Variants in DGKB observed in about 807,000 individuals in gnomAD.
The protein encoded by DGKB is 90 kDa diacylglycerol kinase.
A neutral mutation model predicts 114.3 loss-of-function variants in DGKB; 67 were observed. The observed-to-expected ratio is 0.59, with a 90% CI of 0.48 to 0.72. The LOEUF is 0.72. DGKB is among the 30% of genes least tolerant of loss of function. The pLI, the probability that DGKB is intolerant of heterozygous loss-of-function variation, is 0.00. For missense variants in DGKB, 907 were observed against 975.2 expected, an observed-to-expected ratio of 0.93 and a Z score of 0.93; for synonymous variants, 398 against 323.1, an observed-to-expected ratio of 1.23 and a Z score of -2.49.
intron 20 of DGKB, among the ~76,000 whole-genome samples, chr7:14,527,985 T>A (rs983960406): frequency 1.3e-5 from 2 of 152,118 alleles, no homozygotes; most frequent in African/African-American, 4.8e-5. Flanking sequence ...CCCTATACCA[T>A]GTAATTTTAA....
intron 20 of DGKB, among the ~76,000 whole-genome samples, chr7:14,537,218 ATAT>A (rs986277321): frequency 6.6e-6 from 1 of 152,170 alleles, no homozygotes; most frequent in African/African-American, 2.4e-5. Context: ...GGAAAATTTA[ATAT>A]TATTAAAATA....
At chr7:14,561,759 A>G (rs1418919807) in intron 20 of DGKB, among the ~76,000 whole-genome samples, 6 of 152,184 alleles carry the variant, frequency 3.9e-5, no homozygotes, top group Non-Finnish European at 2.9e-5. Flanking sequence ...CTAAGTGGCA[A>G]AGCATTCAAG....
intron 23 of DGKB, among the ~76,000 whole-genome samples, chr7:14,236,340 T>C (rs1792770835): frequency 1.1e-5 from 1 of 89,804 alleles, no homozygotes; most frequent in Admixed American, 9.1e-5. Context: ...TTCATTCCAA[T>C]TAATAAAAAA....
At chr7:14,837,435 A>C (rs910906357) in intron 2 of DGKB, among the ~76,000 whole-genome samples, 1 of 152,224 alleles carries the variant, frequency 6.6e-6, no homozygotes, top group African/African-American at 2.4e-5. Flanking sequence ...GAGCTCACTC[A>C]TCTTGCCCAA....
At chr7:14,219,872 T>C (rs1258961540) in intron 23 of DGKB, among the ~76,000 whole-genome samples, 1 of 151,784 alleles carries the variant, frequency 6.6e-6, no homozygotes, top group Admixed American at 6.6e-5. Context: ...AGATTTACCC[T>C]TGTTTTCGTC....
chr7:14,367,028 C>T (rs1265225289), intron 21 of DGKB, among the ~76,000 whole-genome samples: 1 of 152,086 alleles, frequency 6.6e-6, no homozygotes, highest in East Asian at 1.9e-4. Flanking sequence ...CACTACACTT[C>T]AGGTTTTGAA....
intron 1 of DGKB, among the ~76,000 whole-genome samples, chr7:14,947,587 C>T (rs1587437483): frequency 1.4e-5 from 1 of 71,696 alleles, no homozygotes. Context: ...AAATGTTCTT[C>T]CTCATATAGA....
At chr7:14,427,708 T>C (rs1472237780) in intron 21 of DGKB, among the ~76,000 whole-genome samples, 1 of 151,968 alleles carries the variant, frequency 6.6e-6, no homozygotes, top group Admixed American at 6.6e-5. Context: ...GCGGGGAAAT[T>C]CCCGTTTTTA....
chr7:14,400,323 G>A (rs1420217677), intron 21 of DGKB, among the ~76,000 whole-genome samples: 2 of 151,742 alleles, frequency 1.3e-5, no homozygotes, highest in Non-Finnish European at 2.9e-5. Context: ...AGAAATCACT[G>A]AGCTAATCCA....
In DGKB at chr7:14,647,995, C is replaced by T. The variant is rs186093410; in HGVS notation, c.1135-17727G>A. 6.5e-3 allele frequency among the ~76,000 whole-genome samples: 990 copies of T among 152,364 alleles called. 10 individuals are homozygous for T. Among genetic ancestry groups the T allele is most frequent in the African/African-American group, 0.022 (906 of 41,582 alleles). ...CCTGCACCTGGCTCAGAGGGTCCTA[C>T]GCCCACGGAGTCTCGCTGATTGCTA... On this transcript the variant is annotated intron_variant, in intron 13 of 25. Coordinates refer to ENST00000402815, the MANE Select transcript of DGKB (RefSeq NM_001350709.2).
intron 21 of DGKB, among the ~76,000 whole-genome samples, chr7:14,477,176 A>G (rs1782311579): frequency 6.6e-6 from 1 of 152,204 alleles, no homozygotes; most frequent in Non-Finnish European, 1.5e-5. Context: ...AACAATTTTG[A>G]AATAGTTTTT....
rs140253315 is a variant in DGKB, at chr7:14,328,268, T to C, written c.2122+10247A>G. On this transcript the variant is annotated intron_variant, in intron 23 of 25. Coordinates refer to ENST00000402815, the MANE Select transcript of DGKB (RefSeq NM_001350709.2). ...TTATCCGAAGAGACATACATTTATA[T>C]ATTCGGTAAAATAAAATTATTTAAT... is the stretch of plus-strand genomic sequence containing the variant. 7.0e-4 allele frequency among the ~76,000 whole-genome samples: 107 copies of C among 152,220 alleles called. 1 individual carries two copies. Among genetic ancestry groups the C allele is most frequent in the Non-Finnish European group, 1.3e-3 (86 of 67,954 alleles).
At position 14,736,197 on chromosome 7, in the gene DGKB, GGAA is replaced by G; in HGVS notation, c.169-6_169-4del. On this transcript the variant is annotated splice_region_variant and splice_polypyrimidine_tract_variant and intron_variant, in intron 4 of 25. Transcript: ENST00000402815. Reference sequence around the variant, plus strand: ...TTGAAACCTTCAAAATCTATTGTCTGGAAAAAAAAAATGTAAACATGTATTTTA... The same window carrying G: ...TTGAAACCTTCAAAATCTATTGTCTGAAAAAAAATGTAAACATGTATTTTA... 7.2e-5 allele frequency: 10 copies of G among 138,792 alleles called. No individual in the cohort carries two copies. Among genetic ancestry groups the G allele is most frequent in the Non-Finnish European group, 1.2e-4 (8 of 66,372 alleles). The allele number at this position is 138,792 out of a possible 1,614,324, so 8.6% of individuals were successfully genotyped here.
intron 23 of DGKB, among the ~76,000 whole-genome samples, chr7:14,318,257 A>C (rs956099723): frequency 4.2e-5 from 6 of 141,488 alleles, no homozygotes; most frequent in African/African-American, 1.6e-4. Context: ...CACCAAAAGC[A>C]ATGGCAACAA....
intron 21 of DGKB, among the ~76,000 whole-genome samples, chr7:14,407,913 C>T (rs1245415106): frequency 6.6e-6 from 1 of 151,988 alleles, no homozygotes; most frequent in Non-Finnish European, 1.5e-5. Context: ...CTCCATGCCC[C>T]TACACAGAAG....
chr7:14,815,233 T>C (rs1029413174), intron 2 of DGKB: 3 of 152,190 alleles, frequency 2.0e-5, no homozygotes, highest in Non-Finnish European at 4.4e-5. Flanking sequence ...ATGTCAGCAA[T>C]CTCTTCTGTA....
intron 13 of DGKB, among the ~76,000 whole-genome samples, chr7:14,659,670 G>A (rs1379233772): frequency 3.5e-4 from 51 of 147,774 alleles, no homozygotes; most frequent in East Asian, 1.2e-3. Flanking sequence ...CAATCATGTC[G>A]TCTGCAAACA....
intron 13 of DGKB, among the ~76,000 whole-genome samples, chr7:14,652,239 A>C (rs1223673684): frequency 6.6e-6 from 1 of 151,984 alleles, no homozygotes; most frequent in East Asian, 1.9e-4. Context: ...ACACTACCTG[A>C]CTTCAAACTA....
At chr7:14,391,372 G>C (rs898521090) in intron 21 of DGKB, among the ~76,000 whole-genome samples, 1 of 152,012 alleles carries the variant, frequency 6.6e-6, no homozygotes, top group Non-Finnish European at 1.5e-5. Context: ...CCCAGGAGGA[G>C]ATAAAAAGGT....
Sources: allele counts gnomAD v4.1 joint callset (sites outside exome capture counted in the v4.1 genomes callset), GRCh38; gene constraint gnomAD v4.1.1; transcripts MANE v1.5; gene names NCBI Gene and HGNC (gene_info 2026-07-23, HGNC 2026-07-21).